CD2BP2: variants seen among roughly 807,000 people sequenced by gnomAD.
The protein encoded by CD2BP2 is CD2 antigen cytoplasmic tail-binding protein 2.
CD2BP2 carries 27 observed loss-of-function variants against 35.9 expected under a neutral mutation model. The ratio of observed to expected loss-of-function variants is 0.75; its 90% CI spans 0.55 to 1.04. CD2BP2 has a LOEUF of 1.04. Ranked by LOEUF, CD2BP2 falls within the 50% of genes least tolerant of loss-of-function variation. The pLI is 0.00. For missense variants in CD2BP2, 497 were observed against 444.3 expected (o/e 1.12, Z -1.07); for synonymous variants, 213 against 173.5 (o/e 1.23, Z -1.79).
intron 1 of CD2BP2, 25 bp from the exon 2 acceptor site, chr16:30,354,732 G>A (rs1238389966): frequency 3.3e-6 from 5 of 1,536,586 alleles, no homozygotes; most frequent in Non-Finnish European, 4.5e-6. Flanking sequence ...CAGAGGAAGG[G>A]AACCGGGTGA....
In CD2BP2 at chr16:30,354,696, G is replaced by A. The variant is rs200690718; in HGVS notation, c.-15C>T. On this transcript the variant is annotated 5_prime_UTR_variant, in exon 2 of 7. Transcript: ENST00000305596. ...CTCTTTGGCATGACGGGGCAAAGAG[G>A]TGTTTCTCAAGCTGAGGAAAGGATG... The A allele has an allele frequency of 3.3e-5, 54 of 1,613,370 alleles. No homozygotes were observed. The East Asian group carries it at 4.7e-4, about 14-fold the overall frequency.
Position 30,354,535 on chromosome 16 carries a change from C to T in CD2BP2, c.78+69G>A. The T allele has an allele frequency of 3.2e-6, 5 of 1,550,602 alleles. No individual in the cohort carries two copies. In the South Asian group the frequency reaches 4.5e-5, roughly 14 times the overall value. On this transcript the variant is annotated intron_variant, in intron 2 of 6. Transcript: ENST00000305596. ...CTGCCTGCCCGCCCCGCCCCTCTCC[C>T]GCCAGCTTTCTTCCTCTTCAGGCTT... is the stretch of plus-strand genomic sequence containing the variant.
chr16:30,353,389 G>C lies in CD2BP2; in HGVS notation c.787C>G (p.Pro263Ala), dbSNP rs767481614. 12 of 1,613,948 alleles carry C rather than the reference G, an allele frequency of 7.4e-6. No homozygotes were observed. The African/African-American group carries it at 1.6e-4, about 22-fold the overall frequency. ...TCACCTCCTCTCTGGGTAGGGGTTG[G>C]GGTCTCCAGTTCCTCCTCCGCCAAC... Reference protein sequence around the residue: ...EELAEEELETPTPTQRGEAES... With the variant: ...EELAEEELETATPTQRGEAES... Residue 263 changes from proline (P) to alanine (A), a missense_variant, in exon 5 of 7, where the codon CCA (proline) becomes GCA (alanine). Physicochemically the swap from Pro to Ala is conservative, Grantham distance 27. Coordinates refer to ENST00000305596, the MANE Select transcript of CD2BP2 (RefSeq NM_006110.3).
rs1419726641 is a variant in CD2BP2 at position 30,352,683 on chromosome 16, G to T, written c.*302C>A. On this transcript the variant is annotated 3_prime_UTR_variant, in exon 7 of 7. Transcript: ENST00000305596. ...AGAGGAGCACAGAGCAGCGCAGTTG[G>T]GGGTGTTTACACGGCAAGCAGAGTC... is the stretch of plus-strand genomic sequence containing the variant. 4.7e-6 allele frequency: 2 copies of T among 422,836 alleles called. No homozygotes were observed. Among genetic ancestry groups the T allele is most frequent in the Non-Finnish European group, 8.7e-6 (2 of 229,922 alleles). The allele number at this position is 422,836 out of a possible 1,614,324, so 26.2% of individuals were successfully genotyped here.
Position 30,353,955 on chromosome 16 carries a change from GT to G in CD2BP2, c.320del (p.Tyr107SerfsTer3), listed in dbSNP as rs1202363188. On this transcript the variant is annotated frameshift_variant, in exon 4 of 7. Transcript: ENST00000305596. LOFTEE classifies it high-confidence loss of function. ...GGATCTGAGCATCCCGGTTCAGGAA[GT>G]AGTTGCCATCGGCATCAAAGTGGCC... ...EEGHFDADGNYFLNRDAQIRD... is the reference protein window; with the variant it reads ...EEGHFDADGNXFLNRDAQIRD... 1 of 1,614,194 alleles carries G rather than the reference GT, an allele frequency of 6.2e-7. No homozygotes were observed. Among genetic ancestry groups the G allele is most frequent in the East Asian group, 2.2e-5 (1 of 44,876 alleles).
intron 3 of CD2BP2, 30 bp from the exon 4 acceptor site, chr16:30,354,088 A>C (rs1567407535): frequency 6.2e-7 from 1 of 1,613,334 alleles, no homozygotes; most frequent in East Asian, 2.2e-5. Context: ...GCCCTTTTCC[A>C]GGCATGGAAA....
At chr16:30,355,056 C>G (rs1393114802) in intron 1 of CD2BP2, 156 bp downstream of exon 1, 2 of 273,930 alleles carry the variant, frequency 7.3e-6, no homozygotes, top group Non-Finnish European at 1.4e-5. Context: ...TCTCGGAGCT[C>G]GCCGGGCCCC....
intron 2 of CD2BP2, 81 bp downstream of exon 2, chr16:30,354,523 C>T (rs754565182): frequency 1.3e-6 from 2 of 1,505,452 alleles, no homozygotes; most frequent in South Asian, 2.3e-5. Flanking sequence ...CCTGCCCGCC[C>T]CGCCCCTCTC....
rs758594147 is a variant in CD2BP2 at position 30,354,025 on chromosome 16, C to G, written c.251G>C (p.Gly84Ala). The change falls in exon 4 of 7, where the codon GGT becomes GCT. Residue 84 changes from glycine to alanine, a missense_variant. Coordinates refer to ENST00000305596, the MANE Select transcript of CD2BP2 (RefSeq NM_006110.3). ...CAGGTTAAAGGGTGTGATCCGAACA[C>G]CCCCCTCGCTGGGGAGTGTGGCTGC... Reference protein sequence around the residue: ...QEAATLPSEGGVRITPFNLQE... With the variant: ...QEAATLPSEGAVRITPFNLQE... The G allele has an allele frequency of 1.2e-6, 2 of 1,613,910 alleles. No individual in the cohort carries two copies. The highest frequency in any genetic ancestry group is 1.1e-5 in the South Asian group (1 of 91,088).
intron 1 of CD2BP2, chr16:30,354,936 A>C: frequency 2.1e-6 from 1 of 483,944 alleles, no homozygotes; most frequent in South Asian, 2.3e-5. Flanking sequence ...GGATCCCCCG[A>C]CCCTGGCTGA....
rs2049484439 is a variant in CD2BP2, at chr16:30,351,835, T to TCAAAAATGCCCAATGCCTGGGCCAC, written c.*1149_*1150insGTGGCCCAGGCATTGGGCATTTTTG. On this transcript the variant is annotated 3_prime_UTR_variant, in exon 7 of 7. Transcript: ENST00000305596. ...TGCAAGCTGAAAACACCTGGGGGCT[T>TCAAAAATGCCCAATGCCTGGGCCAC]CCAAAATGCCCAATGCCTGGGCCAC... is the stretch of plus-strand genomic sequence containing the variant. 2 of 152,400 alleles carry TCAAAAATGCCCAATGCCTGGGCCAC rather than the reference T, an allele frequency of 1.3e-5. No individual in the cohort carries two copies. Among genetic ancestry groups the TCAAAAATGCCCAATGCCTGGGCCAC allele is most frequent in the Admixed American group, 6.6e-5 (1 of 15,260 alleles). The allele number at this position is 152,400 out of a possible 1,614,324, so 9.4% of individuals were successfully genotyped here. A position where few individuals can be genotyped will look rare whatever the true frequency, so the allele number is the denominator to read the frequency against.
chr16:30,354,060 T>C lies in CD2BP2; in HGVS notation c.218-2A>G. On this transcript the variant is annotated splice_acceptor_variant, in intron 3 of 6. Transcript: ENST00000305596. LOFTEE classifies it high-confidence loss of function. ...TGGGGAGTGTGGCTGCCTCCTGACC[T>C]GCACCAAAGACACAGGTGCCCTTTT... The C allele has an allele frequency of 6.2e-7, 1 of 1,613,942 alleles. No homozygotes were observed. Among genetic ancestry groups the C allele is most frequent in the Non-Finnish European group, 8.5e-7 (1 of 1,179,936 alleles).
chr16:30,353,782 G>A lies in CD2BP2; in HGVS notation c.394C>T (p.Pro132Ser). 6.2e-7 allele frequency: 1 copy of A among 1,602,498 alleles called. No individual in the cohort carries two copies. Among genetic ancestry groups the A allele is most frequent in the Admixed American group, 1.7e-5 (1 of 59,752 alleles). The change falls in exon 5 of 7, where the codon CCA becomes TCA. Residue 132 changes from proline to serine, a missense_variant. Coordinates refer to ENST00000305596, the MANE Select transcript of CD2BP2 (RefSeq NM_006110.3). ...NIDWVKIRER[P>S]PGQRQASDSE... The stretch of plus-strand genomic sequence containing the variant: ...TCTGAGGCCTGGCGCTGGCCAGGTG[G>A]CCGCTCCCGGATCTTCACCTGTAAT...
In CD2BP2 at chr16:30,350,797, C is replaced by T. The variant is rs1029677540; in HGVS notation, c.*2188G>A. ...GTTGAAAACCACACCAATTTATTAT[C>T]TTACAGTTCTAGAGGTCAGGAGTCC... On this transcript the variant is annotated 3_prime_UTR_variant, in exon 7 of 7. Transcript: ENST00000305596. 2 of 152,204 alleles carry T rather than the reference C, an allele frequency of 1.3e-5. No homozygotes were observed. Among genetic ancestry groups the T allele is most frequent in the African/African-American group, 4.8e-5 (2 of 41,434 alleles). 9.4% of individuals were successfully genotyped at this position (152,204 alleles called of 1,614,324 possible).
At position 30,353,265 on chromosome 16, in the gene CD2BP2, A is replaced by G. The variant is rs749179778; in HGVS notation, c.831T>C (p.Gly277=). 6 of 1,613,910 alleles carry G rather than the reference A, an allele frequency of 3.7e-6. No homozygotes were observed. In the South Asian group the frequency reaches 6.6e-5, roughly 18 times the overall value. Residue 277 remains glycine, a synonymous_variant, in exon 6 of 7, where the codon GGT becomes GGC. Coordinates refer to ENST00000305596, the MANE Select transcript of CD2BP2 (RefSeq NM_006110.3). ...QRGEAESRGD[G]LVDVMWEYKW... ...TATATTCCCACATCACATCCACCAG[A>G]CCATCTCCCCGCGACTCTGCTTCTA... is the stretch of plus-strand genomic sequence containing the variant.
rs528591321 is a variant in CD2BP2 at position 30,353,748 on chromosome 16, T to A, written c.428A>T (p.Glu143Val). ...PGQRQASDSE[E>V]EDSLGQTSMS... ...TGAGGTCTGGCCCAAGCTGTCCTCCTCCTCCGAGTCTGAGGCCTGGCGCTG... is the reference window on the plus strand; with the variant it reads ...TGAGGTCTGGCCCAAGCTGTCCTCCACCTCCGAGTCTGAGGCCTGGCGCTG... Residue 143 changes from glutamate (E) to valine (V), a missense_variant, in exon 5 of 7, where the codon GAG (glutamate) becomes GTG (valine). Physicochemically the swap from Glu to Val is moderately radical, Grantham distance 121. Coordinates refer to ENST00000305596, the MANE Select transcript of CD2BP2 (RefSeq NM_006110.3). The A allele has an allele frequency of 1.2e-6, 2 of 1,608,168 alleles. No individual in the cohort carries two copies. Among genetic ancestry groups the A allele is most frequent in the African/African-American group, 2.7e-5 (2 of 74,828 alleles).
chr16:30,353,989 A>G lies in CD2BP2; in HGVS notation c.287T>C (p.Met96Thr), dbSNP rs2049510258. 6.2e-7 allele frequency: 1 copy of G among 1,613,962 alleles called. No individual in the cohort carries two copies. Among genetic ancestry groups the G allele is most frequent in the Non-Finnish European group, 8.5e-7 (1 of 1,180,022 alleles). Residue 96 changes from methionine to threonine, a missense_variant, in exon 4 of 7, where the codon ATG becomes ACG. Coordinates refer to ENST00000305596, the MANE Select transcript of CD2BP2 (RefSeq NM_006110.3). ...RITPFNLQEE[M>T]EEGHFDADGN... is the part of the protein sequence containing the mutation. ...ATCGGCATCAAAGTGGCCTTCCTCC[A>G]TCTCCTCCTGCAGGTTAAAGGGTGT...
At position 30,353,343 on chromosome 16, in the gene CD2BP2, C is replaced by A. The variant is rs746610911; in HGVS notation, c.808+25G>T. 4.6e-5 allele frequency: 75 copies of A among 1,613,550 alleles called. 1 individual carries two copies. In the South Asian group the frequency reaches 7.5e-4, roughly 16 times the overall value. On this transcript the variant is annotated intron_variant, in intron 5 of 6. Transcript: ENST00000305596. ...CAGTGTCTCACTTCCTACCCACTGC[C>A]CCCTCCTCTGTCCTCCAAGCTCACC...
rs911337937 is a variant in CD2BP2, at chr16:30,350,849, T to C, written c.*2136A>G. On this transcript the variant is annotated 3_prime_UTR_variant, in exon 7 of 7. Coordinates refer to ENST00000305596, the MANE Select transcript of CD2BP2 (RefSeq NM_006110.3). The stretch of plus-strand genomic sequence containing the variant: ...AAATGGTTTTCACCAGGCTGAAGTC[T>C]TGTCAGTGCGGCTTTGTTTCTCCAC... The C allele has an allele frequency of 1.3e-5, 2 of 152,416 alleles. No homozygotes were observed. The highest frequency in any genetic ancestry group is 2.9e-5 in the Non-Finnish European group (2 of 68,044). The allele number at this position is 152,416 out of a possible 1,614,324, so 9.4% of individuals were successfully genotyped here.
Sources: allele counts gnomAD v4.1 joint callset, GRCh38; gene constraint gnomAD v4.1.1; transcripts MANE v1.5; gene names NCBI Gene and HGNC (gene_info 2026-07-23, HGNC 2026-07-21).